RBFOX1: variants seen among roughly 807,000 people sequenced by gnomAD.
The protein encoded by RBFOX1 is RNA binding protein fox-1 homolog 1.
Under a neutral mutation model 57.7 loss-of-function variants are expected in RBFOX1, and 8 were observed. The ratio of observed to expected loss-of-function variants is 0.14; its 90% CI spans 0.08 to 0.25. The LOEUF (loss-of-function observed/expected upper bound fraction) is 0.25. RBFOX1 is among the 10% of genes least tolerant of loss of function. RBFOX1 has a pLI of 1.00. For missense variants in RBFOX1, 611 were observed against 548.5 expected (o/e 1.11, Z -1.14); for synonymous variants, 326 against 222.4 (o/e 1.47, Z -4.15).
rs190153930 is a variant in RBFOX1, at chr16:5,484,931, C to A, written c.258+17677C>A. Among the ~76,000 whole-genome samples the A allele has an allele frequency of 2.0e-3, 300 of 151,776 alleles. 2 individuals carry two copies. Among genetic ancestry groups the A allele is most frequent in the African/African-American group, 6.9e-3 (285 of 41,404 alleles). ...AAATTTAGCAGGGCATTGTGGCACA[C>A]ACCTGTAGTCTCAGCTACTTGGGAG... On this transcript the variant is annotated intron_variant, in intron 2 of 2. Transcript: ENST00000585867.
In RBFOX1 at chr16:7,251,181, C is replaced by T. The variant is rs1603448145; in HGVS notation, c.27+199083C>T. 4.6e-5 allele frequency among the ~76,000 whole-genome samples: 7 copies of T among 152,066 alleles called. 1 individual carries two copies. In the South Asian group the frequency reaches 1.5e-3, roughly 32 times the overall value. On this transcript the variant is annotated intron_variant, in intron 4 of 15. Coordinates refer to ENST00000550418, the MANE Select transcript of RBFOX1 (RefSeq NM_018723.4). Reference sequence around the variant, plus strand: ...CCAACCCTCACCAACCCCAATCCCACCCCAGCCCCTGGTAAGCAAACTTCT... The same window carrying T: ...CCAACCCTCACCAACCCCAATCCCATCCCAGCCCCTGGTAAGCAAACTTCT...
chr16:7,087,167 C>T (rs1234704928), intron 4 of RBFOX1, among the ~76,000 whole-genome samples: 1 of 152,108 alleles, frequency 6.6e-6, no homozygotes, highest in Non-Finnish European at 1.5e-5. Context: ...AAAGGGGAAG[C>T]CGGGTTGCTG....
In RBFOX1 at chr16:7,483,707, T is replaced by A. The variant is rs1004851519; in HGVS notation, c.28-34440T>A. 8.5e-5 allele frequency among the ~76,000 whole-genome samples: 13 copies of A among 152,310 alleles called. 1 individual carries two copies. The East Asian group carries it at 2.3e-3, about 27-fold the overall frequency. Reference sequence around the variant, plus strand: ...AAGGTGGGTTTTCCAGAGTTGGGTATAAGTTCAGCTACCCAAGACAACAGG... The same window carrying A: ...AAGGTGGGTTTTCCAGAGTTGGGTAAAAGTTCAGCTACCCAAGACAACAGG... On this transcript the variant is annotated intron_variant, in intron 4 of 15. Transcript: ENST00000550418.
Position 6,281,155 on chromosome 16 carries a change from G to A in RBFOX1, c.-126-35840G>A, listed in dbSNP as rs113858696. Among the ~76,000 whole-genome samples, 808 of 152,120 alleles carry A rather than the reference G, an allele frequency of 5.3e-3. 8 individuals are homozygous for A. Among genetic ancestry groups the A allele is most frequent in the African/African-American group, 0.018 (745 of 41,526 alleles). On this transcript the variant is annotated intron_variant, in intron 1 of 15. Coordinates refer to ENST00000550418, the MANE Select transcript of RBFOX1 (RefSeq NM_018723.4). ...AACATGTATTGAGCAGATGGTGGGG[G>A]ATGTTAGTAATGAGATATAAATTGA... is the stretch of plus-strand genomic sequence containing the variant.
intron 2 of RBFOX1, among the ~76,000 whole-genome samples, chr16:6,492,489 A>C (rs997962922): frequency 3.9e-5 from 6 of 152,140 alleles, no homozygotes; most frequent in Non-Finnish European, 8.8e-5. Context: ...GAATCGCTTG[A>C]ACCCGGGAGG....
At chr16:7,154,221 G>A (rs1016464892) in intron 4 of RBFOX1, among the ~76,000 whole-genome samples, 1 of 152,202 alleles carries the variant, frequency 6.6e-6, no homozygotes, top group African/African-American at 2.4e-5. Context: ...TCATGTTACT[G>A]CCTTGGAGGA....
At chr16:6,629,006 G>A (rs2098347983) in intron 2 of RBFOX1, among the ~76,000 whole-genome samples, 2 of 152,082 alleles carry the variant, frequency 1.3e-5, no homozygotes, top group South Asian at 4.1e-4. Context: ...CTGCAGCCTG[G>A]GTGACAGAGT....
At position 6,454,878 on chromosome 16, in the gene RBFOX1, T is replaced by TCTGG. The variant is rs796297441; in HGVS notation, c.-64+137821_-64+137822insCTGG. ...TATACAGGTTTTTTTTTTTTTTTTT[T>TCTGG]TTTTTTTTTTTTTTTTTTTTTTTGA... On this transcript the variant is annotated intron_variant, in intron 2 of 15. Transcript: ENST00000550418. 1.6e-5 allele frequency among the ~76,000 whole-genome samples: 2 copies of TCTGG among 122,418 alleles called. 1 individual carries two copies. Among genetic ancestry groups the TCTGG allele is most frequent in the Non-Finnish European group, 3.3e-5 (2 of 59,832 alleles). The allele number at this position is 122,418 out of a possible 152,430, so 80.3% of individuals were successfully genotyped here.
At position 5,989,975 on chromosome 16, in the gene RBFOX1, A is replaced by G. The variant is rs1199086830; in HGVS notation, c.351+122640A>G. Among the ~76,000 whole-genome samples, 19 of 151,712 alleles carry G rather than the reference A, an allele frequency of 1.3e-4. No individual in the cohort carries two copies. In the East Asian group the frequency reaches 3.5e-3, roughly 28 times the overall value. Reference sequence around the variant, plus strand: ...GATTTTGTGTTTCCTTCCTTGGAGAATCTCCTCACACCAGCCTTTTTGTTT... The same window carrying G: ...GATTTTGTGTTTCCTTCCTTGGAGAGTCTCCTCACACCAGCCTTTTTGTTT... On this transcript the variant is annotated intron_variant, in intron 4 of 19. Transcript: ENST00000641259.
chr16:5,382,982 A>G (rs1387289871), intron 1 of RBFOX1, among the ~76,000 whole-genome samples: 1 of 152,186 alleles, frequency 6.6e-6, no homozygotes. Context: ...GCTGGGTTCA[A>G]TTTAGCCATC....
chr16:7,683,494 C>A (rs2058188), intron 14 of RBFOX1, among the ~76,000 whole-genome samples: 1 of 151,810 alleles, frequency 6.6e-6, no homozygotes, highest in South Asian at 2.1e-4. Context: ...AATCCTGTAA[C>A]AGTCAACAGA....
At chr16:7,594,608 A>G (rs966552773) in intron 7 of RBFOX1, among the ~76,000 whole-genome samples, 1 of 152,238 alleles carries the variant, frequency 6.6e-6, no homozygotes, top group African/African-American at 2.4e-5. Flanking sequence ...TTAAAAGCCA[A>G]TGTACCTGTG....
intron 1 of RBFOX1, among the ~76,000 whole-genome samples, chr16:6,243,450 C>T (rs749299275): frequency 5.0e-4 from 76 of 152,128 alleles, no homozygotes; most frequent in Non-Finnish European, 1.8e-4. Flanking sequence ...TTTAAGCTTA[C>T]GGTTTATGAG....
intron 4 of RBFOX1, among the ~76,000 whole-genome samples, chr16:5,923,830 C>T (rs866625408): frequency 2.6e-5 from 4 of 151,986 alleles, no homozygotes; most frequent in East Asian, 1.9e-4. Flanking sequence ...TGTGAGCCAC[C>T]GTACCTAGCC....
intron 4 of RBFOX1, among the ~76,000 whole-genome samples, chr16:7,447,680 C>A (rs1014319079): frequency 6.6e-6 from 1 of 152,148 alleles, no homozygotes; most frequent in African/African-American, 2.4e-5. Context: ...TGTCTATGAA[C>A]CTCTGCCTCT....
At chr16:5,366,219 GC>G (rs1322070682) in intron 1 of RBFOX1, 3 of 412,042 alleles carry the variant, frequency 7.3e-6, no homozygotes, top group African/African-American at 4.1e-5. Flanking sequence ...GAAGCAGGCT[GC>G]CCCTGGAGGT....
rs140450220 is a variant in RBFOX1, at chr16:6,501,581, A to G, written c.-63-153022A>G. ...TGGTTCCAAGTCTTTGCTATTGTGA[A>G]TAGTGCCACAATAAACATACGTGTG... is the stretch of plus-strand genomic sequence containing the variant. On this transcript the variant is annotated intron_variant, in intron 2 of 15. Transcript: ENST00000550418. Among the ~76,000 whole-genome samples the G allele has an allele frequency of 2.7e-3, 408 of 152,062 alleles. 1 individual carries two copies. Among genetic ancestry groups the G allele is most frequent in the African/African-American group, 9.0e-3 (374 of 41,482 alleles).
At chr16:7,070,368 T>C (rs1006556350) in intron 4 of RBFOX1, among the ~76,000 whole-genome samples, 4 of 152,220 alleles carry the variant, frequency 2.6e-5, no homozygotes, top group African/African-American at 9.6e-5. Context: ...GGAAAACTTG[T>C]CTGCCTCAGA....
chr16:5,378,147 G>T lies in RBFOX1; in HGVS notation c.220-89069G>T, dbSNP rs117953779. On this transcript the variant is annotated intron_variant, in intron 1 of 2. Transcript: ENST00000585867. ...AGTAGACAGAGATATGGAGCCTGCA[G>T]TTGTTGAAGGTGTGTGCGTTTTCTG... Among the ~76,000 whole-genome samples, 20 of 151,762 alleles carry T rather than the reference G, an allele frequency of 1.3e-4. 1 individual carries two copies. The East Asian group carries it at 3.9e-3, about 29-fold the overall frequency.
Sources: allele counts gnomAD v4.1 joint callset (sites outside exome capture counted in the v4.1 genomes callset), GRCh38; gene constraint gnomAD v4.1.1; transcripts MANE v1.5; gene names NCBI Gene and HGNC (gene_info 2026-07-23, HGNC 2026-07-21).